Variants in SVEP1 observed in about 807,000 individuals in gnomAD.
The protein encoded by SVEP1 is sushi, von Willebrand factor type A, EGF and pentraxin domain-containing protein 1.
A neutral mutation model predicts 367.3 loss-of-function variants in SVEP1; 164 were observed. That is an observed-to-expected ratio of 0.45 (90% CI 0.39 to 0.51). The LOEUF is 0.51. Among genes scored for constraint, SVEP1 ranks in the 20% least tolerant of loss-of-function variants. The pLI is 0.00. For synonymous variants in SVEP1, 1,666 were observed against 1,611.6 expected, an observed-to-expected ratio of 1.03 and a Z score of -0.81; for missense variants, 4,117 against 4,425.3, an observed-to-expected ratio of 0.93 and a Z score of 1.98.
At chr9:110,543,413 A>G (rs1830177692) in intron 3 of SVEP1, among the ~76,000 whole-genome samples, 1 of 152,210 alleles carries the variant, frequency 6.6e-6, no homozygotes. Context: ...GCTAGAACCA[A>G]CAGCAGAAGT....
chr9:110,536,040 G>C (rs1379222327), intron 3 of SVEP1, among the ~76,000 whole-genome samples: 1 of 151,978 alleles, frequency 6.6e-6, no homozygotes, highest in East Asian at 1.9e-4. Flanking sequence ...CTTGTCTTAA[G>C]CCAGTTTTCA....
At chr9:110,388,199 A>G (rs890289264) in intron 41 of SVEP1, among the ~76,000 whole-genome samples, 1 of 152,188 alleles carries the variant, frequency 6.6e-6, no homozygotes, top group Non-Finnish European at 1.5e-5. Flanking sequence ...AATAGAATAA[A>G]TGACATTTTA....
intron 24 of SVEP1, among the ~76,000 whole-genome samples, chr9:110,449,428 T>C (rs1828657227): frequency 6.6e-6 from 1 of 152,232 alleles, no homozygotes; most frequent in Admixed American, 6.5e-5. Flanking sequence ...TGATTTTATC[T>C]GGTATAAAAA....
chr9:110,507,080 G>A (rs1829637483), intron 5 of SVEP1, among the ~76,000 whole-genome samples: 1 of 152,112 alleles, frequency 6.6e-6, no homozygotes, highest in Non-Finnish European at 1.5e-5. Flanking sequence ...AAATGATGGG[G>A]ACGTATATTC....
intron 43 of SVEP1, among the ~76,000 whole-genome samples, chr9:110,381,106 T>C (rs746351069): frequency 3.3e-5 from 5 of 152,054 alleles, no homozygotes; most frequent in Middle Eastern, 3.4e-3. Context: ...ATTCTTCCCT[T>C]TTTTTAATTA....
chr9:110,436,071 T>G (rs1199327316), intron 28 of SVEP1, among the ~76,000 whole-genome samples: 1 of 152,102 alleles, frequency 6.6e-6, no homozygotes, highest in Non-Finnish European at 1.5e-5. Flanking sequence ...AGCATTATTC[T>G]TTATGATTTT....
At chr9:110,456,280 C>T (rs956803501) in intron 21 of SVEP1, among the ~76,000 whole-genome samples, 1 of 152,178 alleles carries the variant, frequency 6.6e-6, no homozygotes, top group African/African-American at 2.4e-5. Context: ...AATTCTGGGG[C>T]TGGAGTCCAG....
intron 1 of SVEP1, among the ~76,000 whole-genome samples, chr9:110,576,292 TG>T (rs1482049837): frequency 2.6e-5 from 4 of 151,970 alleles, no homozygotes; most frequent in Non-Finnish European, 5.9e-5. Flanking sequence ...ACTGTGACCC[TG>T]AAAAATAATG....
intron 30 of SVEP1, among the ~76,000 whole-genome samples, chr9:110,432,924 A>G (rs78123631): frequency 0.014 from 2,061 of 152,226 alleles, 59 homozygotes; most frequent in Middle Eastern, 0.044. Flanking sequence ...GTGATCCCCA[A>G]TGTTGGAATT....
chr9:110,540,855 G>A (rs542078820), intron 3 of SVEP1, among the ~76,000 whole-genome samples: 2 of 152,286 alleles, frequency 1.3e-5, no homozygotes, highest in South Asian at 4.1e-4. Flanking sequence ...TGAAGTAGCT[G>A]CTTACTGTGA....
At chr9:110,533,873 T>C (rs761022067) in intron 3 of SVEP1, among the ~76,000 whole-genome samples, 55 of 152,168 alleles carry the variant, frequency 3.6e-4, no homozygotes, top group Non-Finnish European at 6.9e-4. Context: ...AGCAACTGTT[T>C]ATTGAAAATA....
At chr9:110,397,697 A>G (rs567131129) in intron 40 of SVEP1, among the ~76,000 whole-genome samples, 11 of 152,274 alleles carry the variant, frequency 7.2e-5, no homozygotes, top group Middle Eastern at 3.4e-3. Context: ...TTATACACCA[A>G]TAAGAGAAAC....
At chr9:110,573,364 GAGA>G (rs138541971) in intron 1 of SVEP1, among the ~76,000 whole-genome samples, 1,626 of 151,776 alleles carry the variant, frequency 0.011, 22 homozygotes, top group African/African-American at 0.037. Context: ...AAGCCTGGGA[GAGA>G]AGATTACTCT....
chr9:110,409,715 A>C (rs1375428789), intron 37 of SVEP1, among the ~76,000 whole-genome samples: 1 of 152,244 alleles, frequency 6.6e-6, no homozygotes, highest in African/African-American at 2.4e-5. Context: ...GAATACTATC[A>C]AAATTTTGTT....
Position 110,528,156 on chromosome 9 carries a change from G to GTGTGTGTGTATATATATA in SVEP1, c.965-14051_965-14050insTATATATATACACACACA. On this transcript the variant is annotated intron_variant, in intron 3 of 47. Coordinates refer to ENST00000374469, the MANE Select transcript of SVEP1 (RefSeq NM_153366.4). ...CGTGTGTGTGTGTGTGTGTGTGTGT[G>GTGTGTGTGTATATATATA]TATATATATATATATATATATATAT... 7.1e-3 allele frequency among the ~76,000 whole-genome samples: 241 copies of GTGTGTGTGTATATATATA among 33,904 alleles called. 3 individuals are homozygous for GTGTGTGTGTATATATATA. The highest frequency in any genetic ancestry group is 0.01 in the Non-Finnish European group (177 of 17,508). The allele number at this position is 33,904 out of a possible 152,430, so 22.2% of individuals were successfully genotyped here.
At chr9:110,565,626 G>C (rs1830482460) in intron 1 of SVEP1, among the ~76,000 whole-genome samples, 1 of 152,104 alleles carries the variant, frequency 6.6e-6, no homozygotes, top group Non-Finnish European at 1.5e-5. Flanking sequence ...GAGTGAAGTG[G>C]GTGTGAGATA....
intron 46 of SVEP1, among the ~76,000 whole-genome samples, chr9:110,372,135 T>C (rs1197932180): frequency 2.0e-5 from 3 of 152,232 alleles, no homozygotes; most frequent in Non-Finnish European, 4.4e-5. Context: ...TATTTTGTGG[T>C]CCATGCCTTT....
intron 27 of SVEP1, among the ~76,000 whole-genome samples, chr9:110,438,847 T>C (rs1433264549): frequency 6.6e-6 from 1 of 152,200 alleles, no homozygotes; most frequent in Non-Finnish European, 1.5e-5. Context: ...AGTTTTATGG[T>C]GTCACTAAAA....
rs1370524289 is a variant in SVEP1 at position 110,514,164 on chromosome 9, C to G, written c.965-58G>C. ...ATGTGGCACATCAGCTGGTAGTTAA[C>G]AAAACATTTGAAATTAATATGGGAG... On this transcript the variant is annotated intron_variant, in intron 3 of 47. Transcript: ENST00000374469. 5 of 1,566,320 alleles carry G rather than the reference C, an allele frequency of 3.2e-6. No individual in the cohort carries two copies. The South Asian group carries it at 5.8e-5, about 18-fold the overall frequency.
Sources: allele counts gnomAD v4.1 joint callset (sites outside exome capture counted in the v4.1 genomes callset), GRCh38; gene constraint gnomAD v4.1.1; transcripts MANE v1.5; gene names NCBI Gene and HGNC (gene_info 2026-07-23, HGNC 2026-07-21).